The following WDFY2 variants were observed in gnomAD, a reference collection of about 807,000 sequenced individuals.
The protein encoded by WDFY2 is WD repeat and FYVE domain containing 2, also known as WD repeat and FYVE domain-containing protein 2.
WDFY2 carries 36 observed loss-of-function variants against 56.4 expected under a neutral mutation model. The observed-to-expected ratio is 0.64, with a 90% CI of 0.49 to 0.84. The LOEUF is 0.84. WDFY2 is among the 40% of genes least tolerant of loss of function. The probability of loss-of-function intolerance (pLI) is 0.00; values close to 1 mark genes in which losing one functional copy is unlikely to be tolerated. For synonymous variants in WDFY2, 176 were observed against 183.7 expected (o/e 0.96, Z 0.34); for missense variants, 444 against 512.2 (o/e 0.87, Z 1.29).
At position 51,755,367 on chromosome 13, in the gene WDFY2, T is replaced by A. The variant is rs1377640436; in HGVS notation, c.841T>A (p.Trp281Arg). 1.2e-6 allele frequency: 2 copies of A among 1,614,104 alleles called. No homozygotes were observed. Among genetic ancestry groups the A allele is most frequent in the Non-Finnish European group, 1.7e-6 (2 of 1,180,028 alleles). Residue 281 changes from tryptophan to arginine, a missense_variant, in exon 9 of 12, where the codon TGG becomes AGG. Trp to Arg is a moderately radical substitution (Grantham distance 101). Transcript: ENST00000298125. Reference protein sequence around the residue: ...MDVERQETPEWLDSDSCQKCD... With the variant: ...MDVERQETPERLDSDSCQKCD... ...TGCTTTATTTGACAAGACCCCTGAA[T>A]GGTTGGACAGTGATTCCTGCCAAAA...
At chr13:51,647,087 C>T (rs547280888) in intron 1 of WDFY2, among the ~76,000 whole-genome samples, 5 of 152,202 alleles carry the variant, frequency 3.3e-5, no homozygotes, top group African/African-American at 7.2e-5. Context: ...TTAAAGCCTA[C>T]GAGAGGATGT....
chr13:51,626,831 G>T lies in WDFY2; in HGVS notation c.138-33765G>T, dbSNP rs550847698. ...GCCAGGAACCTCTGTGGCCAGTGGT[G>T]CCTTCTGCCTGAGTAATGCTCATGC... is the stretch of plus-strand genomic sequence containing the variant. On this transcript the variant is annotated intron_variant, in intron 1 of 11. Transcript: ENST00000298125. Among the ~76,000 whole-genome samples, 4 of 152,324 alleles carry T rather than the reference G, an allele frequency of 2.6e-5. No homozygotes were observed. In the East Asian group the frequency reaches 7.7e-4, roughly 29 times the overall value.
At chr13:51,661,018 A>G (rs1351634510) in intron 2 of WDFY2, among the ~76,000 whole-genome samples, 1 of 152,198 alleles carries the variant, frequency 6.6e-6, no homozygotes, top group Non-Finnish European at 1.5e-5. Flanking sequence ...TTGTGAAGTA[A>G]ATTTGTCCTT....
intron 8 of WDFY2, among the ~76,000 whole-genome samples, chr13:51,752,231 T>A (rs1398980189): frequency 6.6e-6 from 1 of 152,232 alleles, no homozygotes; most frequent in Non-Finnish European, 1.5e-5. Context: ...CCTTTTCAAA[T>A]GCCAGTAATT....
At chr13:51,695,625 G>C (rs1386650176) in intron 3 of WDFY2, among the ~76,000 whole-genome samples, 1 of 152,210 alleles carries the variant, frequency 6.6e-6, no homozygotes, top group East Asian at 1.9e-4. Context: ...GCTGCTCGGG[G>C]GTCAGGGGTC....
rs1231025111 is a variant in WDFY2 at position 51,755,468 on chromosome 13, T to C, written c.933+9T>C. Reference sequence around the variant, plus strand: ...AAATTGGTCTAAGACAGGTGAGTGATATGGATGCTTCATCAAAATGTAATT... The same window carrying C: ...AAATTGGTCTAAGACAGGTGAGTGACATGGATGCTTCATCAAAATGTAATT... On this transcript the variant is annotated intron_variant, in intron 9 of 11. Coordinates refer to ENST00000298125, the MANE Select transcript of WDFY2 (RefSeq NM_052950.4). The C allele has an allele frequency of 6.2e-7, 1 of 1,609,924 alleles. No individual in the cohort carries two copies.
At chr13:51,709,987 A>G (rs9535741) in intron 4 of WDFY2, among the ~76,000 whole-genome samples, 20,667 of 152,142 alleles carry the variant, frequency 0.14, 1,753 homozygotes, top group South Asian at 0.23. Context: ...AACAAAAAAA[A>G]AGAGAATTTT....
chr13:51,599,903 A>C (rs537717599), intron 1 of WDFY2, among the ~76,000 whole-genome samples: 12 of 152,114 alleles, frequency 7.9e-5, no homozygotes, highest in Admixed American at 4.6e-4. Context: ...AAACAAAAAA[A>C]AAAACAAAAC....
chr13:51,587,057 C>T (rs1418254275), intron 1 of WDFY2: 1 of 152,162 alleles, frequency 6.6e-6, no homozygotes, highest in African/African-American at 2.4e-5. Context: ...AAAGCCATTA[C>T]CATTCACTGC....
chr13:51,767,107 G>C lies in WDFY2; in HGVS notation c.*7338G>C, dbSNP rs1207997222. ...TTCGGGGCAAACACTGCCAGGGAAA[G>C]CCTCATTTAAAACTTGTGAGGTTCA... is the stretch of plus-strand genomic sequence containing the variant. On this transcript the variant is annotated 3_prime_UTR_variant, in exon 12 of 12. Coordinates refer to ENST00000298125, the MANE Select transcript of WDFY2 (RefSeq NM_052950.4). 6.6e-6 allele frequency: 1 copy of C among 152,270 alleles called. No individual in the cohort carries two copies. The highest frequency in any genetic ancestry group is 2.4e-5 in the African/African-American group (1 of 41,472). The allele number at this position is 152,270 out of a possible 1,614,324, so 9.4% of individuals were successfully genotyped here.
chr13:51,684,008 T>G (rs1278716833), intron 3 of WDFY2, among the ~76,000 whole-genome samples: 1 of 152,194 alleles, frequency 6.6e-6, no homozygotes, highest in Non-Finnish European at 1.5e-5. Context: ...CTCACTCTCC[T>G]GCAGCTTCAC....
intron 10 of WDFY2, among the ~76,000 whole-genome samples, chr13:51,757,004 A>T (rs750489422): frequency 6.6e-6 from 1 of 152,178 alleles, no homozygotes; most frequent in East Asian, 1.9e-4. Context: ...GGGCAAATCT[A>T]TGTTATCTCT....
At chr13:51,593,241 C>T (rs1201016891) in intron 1 of WDFY2, among the ~76,000 whole-genome samples, 2 of 152,144 alleles carry the variant, frequency 1.3e-5, no homozygotes, top group Non-Finnish European at 2.9e-5. Context: ...TATACTTGGC[C>T]TCTGATCTCC....
At position 51,667,843 on chromosome 13, in the gene WDFY2, G is replaced by C. The variant is rs988986228; in HGVS notation, c.205+7180G>C. Among the ~76,000 whole-genome samples the C allele has an allele frequency of 3.0e-5, 3 of 100,196 alleles. No individual in the cohort carries two copies. In the Admixed American group the frequency reaches 3.2e-4, roughly 11 times the overall value. 65.7% of individuals were successfully genotyped at this position (100,196 alleles called of 152,430 possible). On this transcript the variant is annotated intron_variant, in intron 2 of 11. Coordinates refer to ENST00000298125, the MANE Select transcript of WDFY2 (RefSeq NM_052950.4). ...TAATGTAATGTGATCTTTTAATTCT[G>C]TATTTACTAAGAAGAAAAAGGTACC...
In WDFY2 at chr13:51,616,685, C is replaced by G. The variant is rs186026210; in HGVS notation, c.137+31861C>G. ...CCAGAAGTGACACACGTTTCTTCCA[C>G]TTATTCTTCATCAAAGTTAGTCGCA... On this transcript the variant is annotated intron_variant, in intron 1 of 11. Transcript: ENST00000298125. Among the ~76,000 whole-genome samples the G allele has an allele frequency of 7.5e-4, 114 of 152,318 alleles. 1 individual carries two copies. Among genetic ancestry groups the G allele is most frequent in the African/African-American group, 2.7e-3 (113 of 41,574 alleles).
At chr13:51,747,864 CT>C (rs1296647747) in intron 7 of WDFY2, among the ~76,000 whole-genome samples, 1 of 152,176 alleles carries the variant, frequency 6.6e-6, no homozygotes, top group East Asian at 1.9e-4. Flanking sequence ...GGGAACAAGT[CT>C]TTATGATTTT....
intron 11 of WDFY2, 116 bp from the exon 12 acceptor site, chr13:51,759,624 G>T: frequency 2.4e-6 from 2 of 822,494 alleles, no homozygotes; most frequent in East Asian, 2.5e-5. Flanking sequence ...AATCATGTTA[G>T]TATAGTATGT....
At chr13:51,712,597 G>T (rs1952247169) in intron 4 of WDFY2, among the ~76,000 whole-genome samples, 2 of 151,982 alleles carry the variant, frequency 1.3e-5, no homozygotes, top group Admixed American at 1.3e-4. Context: ...ACCAGAGAAA[G>T]AAGAGTCTCC....
intron 1 of WDFY2, chr13:51,591,105 A>G (rs1473727926): frequency 6.6e-6 from 1 of 152,262 alleles, no homozygotes; most frequent in African/African-American, 2.4e-5. Flanking sequence ...CCATCTGGCA[A>G]AGGAGGGGGT....
Sources: allele counts gnomAD v4.1 joint callset (sites outside exome capture counted in the v4.1 genomes callset), GRCh38; gene constraint gnomAD v4.1.1; transcripts MANE v1.5; gene names NCBI Gene and HGNC (gene_info 2026-07-23, HGNC 2026-07-21).